Variants in ATPAF2 observed in about 807,000 individuals in gnomAD.
ATPAF2 encodes the protein ATP12 homolog.
ATPAF2 carries 30 observed loss-of-function variants against 36.6 expected under a neutral mutation model. That is an observed-to-expected ratio of 0.82 (90% confidence interval 0.61 to 1.11). The LOEUF (loss-of-function observed/expected upper bound fraction) is 1.11, where lower values mean the gene tolerates loss of function less well. Among genes scored for constraint, ATPAF2 ranks in the 50% most tolerant of loss-of-function variants. The pLI, the probability that ATPAF2 is intolerant of heterozygous loss-of-function variation, is 0.00. For synonymous variants in ATPAF2, 140 were observed against 152.6 expected (o/e 0.92, Z 0.61); for missense variants, 321 against 372.3 (o/e 0.86, Z 1.13).
chr17:18,029,589 TTTA>T (rs1352829611), intron 1 of ATPAF2, among the ~76,000 whole-genome samples: 2 of 151,776 alleles, frequency 1.3e-5, no homozygotes, highest in African/African-American at 2.4e-5. Context: ...ATTTATTTAT[TTTA>T]TTATTATTTT....
At chr17:18,016,535 CG>C, downstream of ATPAF2, 1 of 1,511,594 alleles carries the variant, frequency 6.6e-7, no homozygotes, top group Middle Eastern at 1.7e-4. Flanking sequence ...TGTAAGGAAT[CG>C]GGCTTTGGTT....
chr17:18,016,894 C>G, downstream of ATPAF2: 2 of 403,510 alleles, frequency 5.0e-6, no homozygotes, highest in Non-Finnish European at 9.0e-6. Flanking sequence ...AAAAAATCAG[C>G]TGGGTGCGGT....
downstream of ATPAF2, chr17:18,016,025 TGAC>T (rs1161801481): frequency 1.2e-6 from 2 of 1,608,862 alleles, no homozygotes; most frequent in Non-Finnish European, 8.5e-7. Flanking sequence ...CACGGTATAA[TGAC>T]ACACACTTTC....
intron 5 of ATPAF2, among the ~76,000 whole-genome samples, chr17:18,024,334 A>T (rs1207327415): frequency 1.3e-5 from 2 of 152,208 alleles, no homozygotes; most frequent in African/African-American, 4.8e-5. Context: ...CGCTGGCAGA[A>T]GGTGGCCTGG....
Position 18,026,509 on chromosome 17 carries a change from A to G in ATPAF2, c.325-93T>C, listed in dbSNP as rs1053613860. On this transcript the variant is annotated intron_variant, in intron 3 of 7. Transcript: ENST00000474627. ...GGACACCACATCTGACACATAGCAG[A>G]CAGCACCACAGCACAGCCCTCCACC... 4.3e-4 allele frequency: 381 copies of G among 895,638 alleles called. 1 individual carries two copies. Among genetic ancestry groups the G allele is most frequent in the Non-Finnish European group, 1.4e-4 (76 of 525,300 alleles). The allele number at this position is 895,638 out of a possible 1,614,324, so 55.5% of individuals were successfully genotyped here.
In ATPAF2 at chr17:18,026,358, A is replaced by C; in HGVS notation, c.383T>G (p.Ile128Ser). Residue 128 changes from isoleucine (I) to serine (S), a missense_variant, in exon 4 of 8, where the codon ATC (isoleucine) becomes AGC (serine). Coordinates refer to ENST00000474627, the MANE Select transcript of ATPAF2 (RefSeq NM_145691.4). ...NPTQRNKDQLIRAAVKFLDTD... is the reference protein window; with the variant it reads ...NPTQRNKDQLSRAAVKFLDTD... ...GTCCAGAAACTTCACGGCTGCCCGGATCAGCTGATCCTTGTTTCTCTGGGT... is the reference window on the plus strand; with the variant it reads ...GTCCAGAAACTTCACGGCTGCCCGGCTCAGCTGATCCTTGTTTCTCTGGGT... The C allele has an allele frequency of 6.2e-7, 1 of 1,614,238 alleles. No individual in the cohort carries two copies. Among genetic ancestry groups the C allele is most frequent in the Non-Finnish European group, 8.5e-7 (1 of 1,180,042 alleles).
rs965926111 is a variant in ATPAF2 at position 18,030,042 on chromosome 17, C to T, written c.134-1383G>A. On this transcript the variant is annotated intron_variant, in intron 1 of 7. Transcript: ENST00000474627. The stretch of plus-strand genomic sequence containing the variant: ...TCTACAAAAAATACAAAAATGAGGC[C>T]GGGCGCAGTGGCTCACGCCTGTAAT... 2.7e-5 allele frequency among the ~76,000 whole-genome samples: 4 copies of T among 149,166 alleles called. No individual in the cohort carries two copies. The East Asian group carries it at 6.3e-4, about 24-fold the overall frequency.
At chr17:18,017,747 A>C (rs1190044411), downstream of ATPAF2, among the ~76,000 whole-genome samples, 4 of 152,196 alleles carry the variant, frequency 2.6e-5, no homozygotes, top group Non-Finnish European at 5.9e-5. Context: ...GGGCTGAGAG[A>C]GCCTGTCTGC....
At chr17:18,031,643 G>A (rs996160673) in intron 1 of ATPAF2, among the ~76,000 whole-genome samples, 1 of 152,026 alleles carries the variant, frequency 6.6e-6, no homozygotes, top group South Asian at 2.1e-4. Flanking sequence ...AGCCGGGCGT[G>A]GTGGCGGGCG....
At chr17:18,026,143 C>A in intron 4 of ATPAF2, 176 bp downstream of exon 4, 2 of 690,124 alleles carry the variant, frequency 2.9e-6, no homozygotes, top group Admixed American at 2.0e-5. Context: ...ACCATTGTAG[C>A]CCGAGGAGTC....
intron 4 of ATPAF2, chr17:18,024,919 G>C: frequency 1.7e-6 from 1 of 580,030 alleles, no homozygotes; most frequent in Non-Finnish European, 3.1e-6. Flanking sequence ...CAGGTTGCAT[G>C]CCTACAGAAA....
chr17:18,016,957 A>C (rs2044385822), downstream of ATPAF2: 1 of 245,332 alleles, frequency 4.1e-6, no homozygotes, highest in Non-Finnish European at 8.1e-6. Flanking sequence ...GCAGATCACG[A>C]GGTCAGGAGT....
chr17:18,019,245 G>A (rs961096203), intron 7 of ATPAF2, among the ~76,000 whole-genome samples: 1 of 151,806 alleles, frequency 6.6e-6, no homozygotes. Flanking sequence ...TGGCATGGAT[G>A]GTCTGGAAGA....
chr17:18,028,028 G>A, intron 3 of ATPAF2: 1 of 648,732 alleles, frequency 1.5e-6, no homozygotes. Context: ...ATCCAGCACA[G>A]TGTTCCTAGG....
chr17:18,027,217 TA>T (rs1397146251), intron 3 of ATPAF2, among the ~76,000 whole-genome samples: 469 of 140,812 alleles, frequency 3.3e-3, no homozygotes, highest in African/African-American at 5.3e-3. Flanking sequence ...TTAGACTGTT[TA>T]AAAAAAAAAA....
chr17:18,027,262 A>G (rs1213407943), intron 3 of ATPAF2, among the ~76,000 whole-genome samples: 2 of 151,996 alleles, frequency 1.3e-5, no homozygotes, highest in African/African-American at 2.4e-5. Flanking sequence ...TACCTTGTCA[A>G]TAATAGGCTG....
chr17:18,034,598 T>C (rs1022752566), intron 1 of ATPAF2, among the ~76,000 whole-genome samples: 3 of 152,290 alleles, frequency 2.0e-5, no homozygotes, highest in South Asian at 2.1e-4. Context: ...TGTTGAGATA[T>C]AGAGAAACTG....
chr17:18,024,475 C>T (rs2044515270), intron 5 of ATPAF2, 149 bp downstream of exon 5: 2 of 720,758 alleles, frequency 2.8e-6, no homozygotes, highest in African/African-American at 1.7e-5. Flanking sequence ...TATCCCTGAT[C>T]ATATGAGGGG....
downstream of ATPAF2, chr17:18,016,451 T>C: frequency 1.1e-6 from 1 of 869,628 alleles, no homozygotes; most frequent in South Asian, 1.7e-5. Flanking sequence ...GCAAATGAGG[T>C]TTGCAGATCT....
Sources: gnomAD v4.1 joint callset for allele counts (sites outside exome capture counted in the v4.1 genomes callset) on GRCh38, gnomAD v4.1.1 for gene constraint, MANE v1.5 for transcripts, NCBI Gene and HGNC (gene_info 2026-07-23, HGNC 2026-07-21) for gene names.